The following CACNA1C variants were observed in gnomAD, a reference collection of about 807,000 sequenced individuals.
The protein encoded by CACNA1C is voltage-dependent L-type calcium channel subunit alpha-1C.
Under a neutral mutation model 229.0 loss-of-function variants are expected in CACNA1C, and 30 were observed. The observed-to-expected ratio is 0.13, with a 90% CI of 0.10 to 0.18. The LOEUF is 0.18. Among genes scored for constraint, CACNA1C ranks in the 10% least tolerant of loss-of-function variants. CACNA1C has a pLI of 1.00. For missense variants in CACNA1C, 1,658 were observed against 2,845.0 expected, an observed-to-expected ratio of 0.58 and a Z score of 9.49; for synonymous variants, 1,114 against 1,132.5, an observed-to-expected ratio of 0.98 and a Z score of 0.33.
chr12:2,605,627 C>A lies in CACNA1C; in HGVS notation c.3049-52C>A. On this transcript the variant is annotated intron_variant, in intron 23 of 46. Coordinates refer to ENST00000399655, the MANE Select transcript of CACNA1C (RefSeq NM_000719.7). The surrounding 1 kb of genome is among the most constrained non-coding windows in gnomAD (Gnocchi z 6.2). ...CTGCCCCTGCTACCTCCTGGAAAGG[C>A]TCCTGGCATCTCCTGAAGCCACGTC... 1 of 1,353,692 alleles carries A rather than the reference C, an allele frequency of 7.4e-7. No individual in the cohort carries two copies. The highest frequency in any genetic ancestry group is 1.1e-6 in the Non-Finnish European group (1 of 943,672). The allele number at this position is 1,353,692 out of a possible 1,614,324, so 83.9% of individuals were successfully genotyped here.
chr12:2,157,336 A>G (rs2095604982), intron 3 of CACNA1C, among the ~76,000 whole-genome samples: 1 of 152,208 alleles, frequency 6.6e-6, no homozygotes, highest in Non-Finnish European at 1.5e-5. Flanking sequence ...TCAGCAACTA[A>G]TACTCTTCCC....
intron 3 of CACNA1C, among the ~76,000 whole-genome samples, chr12:2,241,422 C>T (rs893728788): frequency 6.6e-6 from 1 of 151,942 alleles, no homozygotes; most frequent in Non-Finnish European, 1.5e-5. Context: ...TATGCCTCCC[C>T]CCTTGTCCCA....
intron 9 of CACNA1C, among the ~76,000 whole-genome samples, chr12:2,531,691 G>A (rs114120818): frequency 6.8e-4 from 103 of 152,282 alleles, no homozygotes; most frequent in African/African-American, 2.3e-3. Flanking sequence ...CTGCCAGCAC[G>A]CATCCAGCAG....
chr12:2,610,702 C>G lies in CACNA1C; in HGVS notation c.3717+3C>G. On this transcript the variant is annotated splice_donor_region_variant and intron_variant, in intron 28 of 46. Transcript: ENST00000399655. ...ACACCATCTGCCTGGCCATGCAGGT[C>G]AGTCCCAGGAGGAGCACAGCCATGG... 6.2e-7 allele frequency: 1 copy of G among 1,614,132 alleles called. No homozygotes were observed. Among genetic ancestry groups the G allele is most frequent in the Non-Finnish European group, 8.5e-7 (1 of 1,179,946 alleles).
At chr12:2,553,613 C>T (rs2042504947) in intron 10 of CACNA1C, among the ~76,000 whole-genome samples, 1 of 152,234 alleles carries the variant, frequency 6.6e-6, no homozygotes, top group Non-Finnish European at 1.5e-5. Context: ...ACTCTGAAGC[C>T]TGAGAGCACT....
intron 3 of CACNA1C, among the ~76,000 whole-genome samples, chr12:2,429,341 C>G (rs981805285): frequency 4.6e-5 from 7 of 152,156 alleles, no homozygotes; most frequent in Admixed American, 4.6e-4. Flanking sequence ...CAGTGCCAGC[C>G]TGGATTCTGT....
chr12:2,237,338 G>A (rs964268253), intron 3 of CACNA1C, among the ~76,000 whole-genome samples: 2 of 152,224 alleles, frequency 1.3e-5, no homozygotes, highest in Admixed American at 1.3e-4. Context: ...TCATTTGGAT[G>A]ACATCAGCGA....
chr12:2,090,853 G>A (rs529325500), intron 1 of CACNA1C, among the ~76,000 whole-genome samples: 200 of 152,170 alleles, frequency 1.3e-3, no homozygotes, highest in Non-Finnish European at 2.0e-3. Context: ...TTACTTTCCC[G>A]CCAACAGTGC....
chr12:2,671,278 G>T (rs1160055498), intron 38 of CACNA1C, among the ~76,000 whole-genome samples: 1 of 152,200 alleles, frequency 6.6e-6, no homozygotes, highest in African/African-American at 2.4e-5. Context: ...CTCCCAAAGT[G>T]CTGGGATGAC....
chr12:2,316,766 C>T (rs572612596), intron 3 of CACNA1C, among the ~76,000 whole-genome samples: 1 of 152,304 alleles, frequency 6.6e-6, no homozygotes, highest in South Asian at 2.1e-4. Flanking sequence ...TGCTGGCAGC[C>T]TGCGTGACTG....
intron 8 of CACNA1C, among the ~76,000 whole-genome samples, chr12:2,508,554 G>A (rs1402594589): frequency 6.6e-6 from 1 of 152,218 alleles, no homozygotes; most frequent in Non-Finnish European, 1.5e-5. Context: ...TCGGGAAGCC[G>A]AGGTGGGAGG....
chr12:2,397,391 C>G (rs1156305560), intron 3 of CACNA1C, among the ~76,000 whole-genome samples: 1 of 152,222 alleles, frequency 6.6e-6, no homozygotes, highest in Non-Finnish European at 1.5e-5. Context: ...AGTGACAGGC[C>G]CATCCCAGAC....
chr12:2,435,095 C>T (rs939088799), intron 3 of CACNA1C, among the ~76,000 whole-genome samples: 2 of 152,170 alleles, frequency 1.3e-5, no homozygotes, highest in South Asian at 2.1e-4. Context: ...GGCTTTCCCC[C>T]ACCGTGCAGA....
chr12:2,178,093 AGT>A (rs1438549019), intron 3 of CACNA1C, among the ~76,000 whole-genome samples: 3 of 152,254 alleles, frequency 2.0e-5, no homozygotes, highest in African/African-American at 7.2e-5. Context: ...GGAAGGACAC[AGT>A]GAAGGAAGCA....
chr12:2,468,238 G>A (rs1347792916), intron 5 of CACNA1C, among the ~76,000 whole-genome samples: 4 of 152,250 alleles, frequency 2.6e-5, no homozygotes, highest in Non-Finnish European at 5.9e-5. Flanking sequence ...GGCAAAGAAT[G>A]CCTGCAGTCA....
At chr12:2,555,142 C>T (rs570024097) in intron 10 of CACNA1C, among the ~76,000 whole-genome samples, 2 of 152,344 alleles carry the variant, frequency 1.3e-5, no homozygotes, top group Admixed American at 6.5e-5. Context: ...GAAGCAGGAC[C>T]TCCTTTCCCA....
intron 2 of CACNA1C, among the ~76,000 whole-genome samples, chr12:2,116,118 T>A (rs538844989): frequency 6.6e-6 from 1 of 152,166 alleles, no homozygotes; most frequent in Non-Finnish European, 1.5e-5. Context: ...TGGAAAGTTA[T>A]AACAAACTAC....
intron 3 of CACNA1C, among the ~76,000 whole-genome samples, chr12:2,414,239 G>T (rs1049236549): frequency 1.3e-5 from 2 of 152,202 alleles, no homozygotes; most frequent in African/African-American, 2.4e-5. Flanking sequence ...GGACATAGCT[G>T]CCTGTCTCTG....
intron 1 of CACNA1C, among the ~76,000 whole-genome samples, chr12:2,032,902 C>A (rs997818602): frequency 2.0e-5 from 3 of 152,236 alleles, no homozygotes; most frequent in Non-Finnish European, 4.4e-5. Flanking sequence ...AATAATAACA[C>A]AAGTCAGGAA....
Sources: gnomAD v4.1 joint callset for allele counts (sites outside exome capture counted in the v4.1 genomes callset) on GRCh38, gnomAD v4.1.1 for gene constraint, Gnocchi (gnomAD v3.1) non-coding constraint, MANE v1.5 for transcripts, NCBI Gene and HGNC (gene_info 2026-07-23, HGNC 2026-07-21) for gene names.